SPRY3: variants seen among roughly 807,000 people sequenced by gnomAD.
The protein encoded by SPRY3 is protein sprouty homolog 3.
A neutral mutation model predicts 20.2 loss-of-function variants in SPRY3; 15 were observed. The observed-to-expected ratio is 0.74, with a 90% confidence interval of 0.50 to 1.14. The LOEUF (loss-of-function observed/expected upper bound fraction) is 1.14, where lower values mean the gene tolerates loss of function less well. SPRY3 is among the 50% of genes most tolerant of loss of function. The pLI is 0.00. For synonymous variants in SPRY3, 143 were observed against 136.5 expected, an observed-to-expected ratio of 1.05 and a Z score of -0.33; for missense variants, 364 against 363.9, an observed-to-expected ratio of 1.00 and a Z score of 0.00.
chrX:155,663,843 A>G (rs2068017208), intron 2 of SPRY3, among the ~76,000 whole-genome samples: 1 of 111,475 alleles, frequency 9.0e-6, no homozygotes, highest in African/African-American at 3.3e-5. Flanking sequence ...TAAATAGCAA[A>G]AGATAGACCA....
Position 155,670,106 on chromosome X carries a change from C to T in SPRY3, c.-282+13081C>T, listed in dbSNP as rs1014836349. Among the ~76,000 whole-genome samples, 19 of 111,619 alleles carry T rather than the reference C, an allele frequency of 1.7e-4. No homozygotes were observed. In the South Asian group the frequency reaches 5.2e-3, roughly 30 times the overall value. ...TCTTACTATCCCCATTTGATGGCTA[C>T]GGGAGCAAAAGTAATAAAGTAACTT... is the stretch of plus-strand genomic sequence containing the variant. On this transcript the variant is annotated intron_variant, in intron 2 of 3. Coordinates refer to ENST00000675360, the Ensembl canonical transcript of SPRY3.
chrX:155,774,484 A>C lies in SPRY3; in HGVS notation c.613A>C (p.Asn205His), dbSNP rs1465389994. 17 of 1,613,968 alleles carry C rather than the reference A, an allele frequency of 1.1e-5. 1 individual carries two copies. The South Asian group carries it at 1.5e-4, about 15-fold the overall frequency. ...CCACTGCTCCACTGATGATGAAGACAACTGTGCTGATGAGCCCTGCTCTTG... is the reference window on the plus strand; with the variant it reads ...CCACTGCTCCACTGATGATGAAGACCACTGTGCTGATGAGCCCTGCTCTTG... The change falls in exon 4 of 4, where the codon AAC (asparagine) becomes CAC (histidine). Residue 205 changes from asparagine to histidine, a missense_variant. Coordinates refer to ENST00000675360, the Ensembl canonical transcript of SPRY3.
intron 2 of SPRY3, among the ~76,000 whole-genome samples, chrX:155,726,808 T>C (rs755513836): frequency 4.6e-5 from 7 of 152,330 alleles, no homozygotes; most frequent in African/African-American, 1.7e-4. Flanking sequence ...TTGGGGCATT[T>C]AGCCCATTTA....
rs752908233 is a variant in SPRY3, at chrX:155,733,852, A to C, written c.-281-34110A>C. On this transcript the variant is annotated intron_variant, in intron 2 of 3. Coordinates refer to ENST00000675360, the Ensembl canonical transcript of SPRY3. ...TTCACCTTGCACTTTTGTTATGGAA[A>C]TGGCTTCTTTCCTTAAATCTCATGA... is the stretch of plus-strand genomic sequence containing the variant. Among the ~76,000 whole-genome samples the C allele has an allele frequency of 5.3e-5, 8 of 152,232 alleles. No individual in the cohort carries two copies. In the East Asian group the frequency reaches 1.5e-3, roughly 29 times the overall value.
intron 2 of SPRY3, among the ~76,000 whole-genome samples, chrX:155,749,654 C>T (rs2091249927): frequency 6.6e-6 from 1 of 151,666 alleles, no homozygotes; most frequent in Admixed American, 6.6e-5. Flanking sequence ...GAGGTGAGGG[C>T]AATAAGAATA....
chrX:155,696,937 G>C, intron 2 of SPRY3, among the ~76,000 whole-genome samples: 1 of 111,455 alleles, frequency 9.0e-6, no homozygotes, highest in Admixed American at 9.5e-5. Flanking sequence ...TAAGAATCAG[G>C]ATAGTACAAT....
intron 2 of SPRY3, among the ~76,000 whole-genome samples, chrX:155,715,015 C>T (rs769644626): frequency 6.6e-6 from 1 of 152,246 alleles, no homozygotes; most frequent in African/African-American, 2.4e-5. Context: ...GAAATGCTGT[C>T]TAAGAGCCTA....
At chrX:155,722,910 C>G (rs306925) in intron 2 of SPRY3, among the ~76,000 whole-genome samples, 55,097 of 148,954 alleles carry the variant, frequency 0.37, 7,496 homozygotes, top group South Asian at 0.51. Flanking sequence ...TTAGGTATTT[C>G]TCCTAATGCT....
intron 2 of SPRY3, among the ~76,000 whole-genome samples, chrX:155,707,219 A>C (rs2090958041): frequency 6.6e-6 from 1 of 151,262 alleles, no homozygotes; most frequent in Admixed American, 6.6e-5. Context: ...AATGCATTAT[A>C]ACTTTCCTTG....
chrX:155,660,755 C>T (rs781941560), intron 2 of SPRY3, among the ~76,000 whole-genome samples: 1 of 108,105 alleles, frequency 9.3e-6, no homozygotes, highest in Non-Finnish European at 1.9e-5. Context: ...GATTTGATTC[C>T]TTTATCATAT....
chrX:155,624,751 G>T (rs2067882882), intron 1 of SPRY3, among the ~76,000 whole-genome samples: 1 of 111,795 alleles, frequency 8.9e-6, no homozygotes, highest in Non-Finnish European at 1.9e-5. Context: ...TTTAAATTGT[G>T]CATTGACAGT....
At chrX:155,644,984 A>G (rs1346419249) in intron 1 of SPRY3, among the ~76,000 whole-genome samples, 1 of 110,101 alleles carries the variant, frequency 9.1e-6, no homozygotes, top group African/African-American at 3.3e-5. Context: ...GTCTCACCCA[A>G]TGCCCATATA....
intron 2 of SPRY3, among the ~76,000 whole-genome samples, chrX:155,739,346 A>G (rs184936074): frequency 6.6e-6 from 1 of 152,222 alleles, no homozygotes; most frequent in African/African-American, 2.4e-5. Context: ...AGGGGCAACC[A>G]CTGTCTCTGC....
At chrX:155,761,828 A>T (rs755490614) in intron 2 of SPRY3, among the ~76,000 whole-genome samples, 1 of 149,516 alleles carries the variant, frequency 6.7e-6, no homozygotes, top group South Asian at 2.1e-4. Context: ...ATTTTTTCAT[A>T]TGTTTGTTGG....
Position 155,774,091 on chromosome X carries a change from C to A in SPRY3, c.220C>A (p.Pro74Thr), listed in dbSNP as rs776994197. 15 of 1,613,972 alleles carry A rather than the reference C, an allele frequency of 9.3e-6. No individual in the cohort carries two copies. The South Asian group carries it at 1.5e-4, about 17-fold the overall frequency. Residue 74 changes from proline to threonine, a missense_variant, in exon 4 of 4, where the codon CCC (proline) becomes ACC (threonine). By Grantham distance (38) the Pro-to-Thr change is conservative. Transcript: ENST00000675360. ...TCTCAGCCAGTGCCATCAACTGCAG[C>A]CCTTGCCTCAGCATCTGAGCCAATC...
chrX:155,758,491 G>A (rs935525200), intron 2 of SPRY3, among the ~76,000 whole-genome samples: 17 of 152,136 alleles, frequency 1.1e-4, no homozygotes, highest in African/African-American at 4.1e-4. Flanking sequence ...AAGAATCTAT[G>A]TTCCCTTGGC....
intron 2 of SPRY3, among the ~76,000 whole-genome samples, chrX:155,731,447 G>A (rs1270030717): frequency 2.0e-5 from 3 of 151,964 alleles, no homozygotes; most frequent in African/African-American, 7.2e-5. Flanking sequence ...TGGGAAAACT[G>A]GATATCTACA....
chrX:155,632,246 C>CACACACACAT (rs1557350580), intron 1 of SPRY3, among the ~76,000 whole-genome samples: 48 of 109,788 alleles, frequency 4.4e-4, no homozygotes, highest in Non-Finnish European at 8.2e-4. Context: ...CACACACACA[C>CACACACACAT]GCACACACAC....
At chrX:155,621,492 G>A (rs1180167723) in intron 1 of SPRY3, among the ~76,000 whole-genome samples, 1 of 111,079 alleles carries the variant, frequency 9.0e-6, no homozygotes, top group Admixed American at 9.6e-5. Context: ...ATTTTCCTTT[G>A]TTCTACCACT....
Sources: allele counts gnomAD v4.1 joint callset (sites outside exome capture counted in the v4.1 genomes callset), GRCh38; gene constraint gnomAD v4.1.1; transcripts MANE v1.5; gene names NCBI Gene and HGNC (gene_info 2026-07-23, HGNC 2026-07-21).